PNPT1: variants seen among roughly 807,000 people sequenced by gnomAD.
The protein encoded by PNPT1 is polyribonucleotide nucleotidyltransferase 1, also known as polyribonucleotide nucleotidyltransferase 1, mitochondrial.
In PNPT1, 53 loss-of-function variants were observed where a neutral mutation model predicts 119.5. The ratio of observed to expected loss-of-function variants is 0.44; its 90% CI spans 0.36 to 0.56. The LOEUF is 0.56. Ranked by LOEUF, PNPT1 falls within the 20% of genes least tolerant of loss-of-function variation. The probability of loss-of-function intolerance (pLI) is 0.00; values close to 1 mark genes in which losing one functional copy is unlikely to be tolerated. For missense variants in PNPT1, 948 were observed against 938.5 expected, an observed-to-expected ratio of 1.01 and a Z score of -0.13; for synonymous variants, 357 against 322.1, an observed-to-expected ratio of 1.11 and a Z score of -1.16.
At position 55,657,919 on chromosome 2, in the gene PNPT1, GA is replaced by G. The variant is rs1012159630; in HGVS notation, c.1285-1549del. The stretch of plus-strand genomic sequence containing the variant: ...AAAAAAAAAAGAATGTAATGGAGGA[GA>G]AATGTATAGATTTAAAAAGACTTAA... On this transcript the variant is annotated intron_variant, in intron 15 of 27. Transcript: ENST00000447944. Among the ~76,000 whole-genome samples the G allele has an allele frequency of 1.8e-3, 177 of 100,186 alleles. 1 individual carries two copies. Among genetic ancestry groups the G allele is most frequent in the Admixed American group, 3.2e-3 (26 of 8,120 alleles). The allele number at this position is 100,186 out of a possible 152,430, so 65.7% of individuals were successfully genotyped here.
At chr2:55,681,366 C>T (rs961009948) in intron 5 of PNPT1, among the ~76,000 whole-genome samples, 3 of 152,020 alleles carry the variant, frequency 2.0e-5, no homozygotes, top group Non-Finnish European at 4.4e-5. Context: ...GAGATCACGC[C>T]ATTGCACTCC....
At chr2:55,669,424 AAC>A (rs1175373699) in intron 11 of PNPT1, among the ~76,000 whole-genome samples, 1 of 152,226 alleles carries the variant, frequency 6.6e-6, no homozygotes, top group Non-Finnish European at 1.5e-5. Flanking sequence ...AAGTAACCAA[AAC>A]ACAAGAAATG....
chr2:55,683,753 C>A (rs371592216), intron 5 of PNPT1, 32 bp downstream of exon 5: 2 of 1,574,812 alleles, frequency 1.3e-6, no homozygotes. Flanking sequence ...TTTGATTGAT[C>A]TGGCAACTAA....
intron 5 of PNPT1, among the ~76,000 whole-genome samples, chr2:55,682,232 C>A (rs187059559): frequency 6.6e-6 from 1 of 151,816 alleles, no homozygotes; most frequent in Non-Finnish European, 1.5e-5. Flanking sequence ...GCTGAGGCAG[C>A]GGATCACTTG....
At chr2:55,673,839 G>A (rs1446389784) in intron 8 of PNPT1, among the ~76,000 whole-genome samples, 1 of 152,006 alleles carries the variant, frequency 6.6e-6, no homozygotes, top group African/African-American at 2.4e-5. Context: ...TGCCTGCCTT[G>A]GCCTTCCAAA....
At chr2:55,636,913 A>T (rs1305874604) in intron 27 of PNPT1, among the ~76,000 whole-genome samples, 1 of 152,184 alleles carries the variant, frequency 6.6e-6, no homozygotes, top group African/African-American at 2.4e-5. Flanking sequence ...CCAAAAAATC[A>T]ACCTTATACA....
intron 18 of PNPT1, among the ~76,000 whole-genome samples, chr2:55,647,915 G>A (rs532304361): frequency 2.6e-5 from 4 of 152,176 alleles, no homozygotes; most frequent in East Asian, 1.9e-4. Flanking sequence ...TGACTACTTC[G>A]TTTGTTTTTG....
chr2:55,637,313 T>C (rs1695706536), intron 27 of PNPT1, among the ~76,000 whole-genome samples: 1 of 152,254 alleles, frequency 6.6e-6, no homozygotes, highest in Non-Finnish European at 1.5e-5. Flanking sequence ...TGCTCATGTA[T>C]TTTTTAAACG....
intron 18 of PNPT1, among the ~76,000 whole-genome samples, chr2:55,651,770 A>AT (rs1224723737): frequency 1.7e-5 from 2 of 116,924 alleles, no homozygotes; most frequent in African/African-American, 5.7e-5. Flanking sequence ...AGAATGATCA[A>AT]TTTAAAAAAA....
chr2:55,652,916 T>C (rs886987559), intron 18 of PNPT1, among the ~76,000 whole-genome samples: 2 of 152,202 alleles, frequency 1.3e-5, no homozygotes, highest in Admixed American at 6.5e-5. Context: ...GGCACGATCT[T>C]GGCTCACTGC....
chr2:55,684,921 C>A, intron 4 of PNPT1, 22 bp downstream of exon 4: 1 of 1,498,220 alleles, frequency 6.7e-7, no homozygotes, highest in Non-Finnish European at 9.0e-7. Context: ...AGAAGATGAA[C>A]GCCTCTATGT....
At chr2:55,675,808 A>G (rs1697048818) in intron 8 of PNPT1, among the ~76,000 whole-genome samples, 1 of 152,240 alleles carries the variant, frequency 6.6e-6, no homozygotes, top group Admixed American at 6.5e-5. Flanking sequence ...AATTATTTAA[A>G]ATTAGACAAA....
At chr2:55,651,299 C>T (rs1202379567) in intron 18 of PNPT1, among the ~76,000 whole-genome samples, 2 of 151,494 alleles carry the variant, frequency 1.3e-5, no homozygotes, top group South Asian at 4.2e-4. Context: ...TGAGAACGGG[C>T]CATGATGACA....
intron 2 of PNPT1, among the ~76,000 whole-genome samples, chr2:55,687,122 G>A (rs1697431773): frequency 1.3e-5 from 2 of 150,226 alleles, no homozygotes; most frequent in African/African-American, 2.5e-5. Context: ...GCTGAGGCAG[G>A]AGAATGGCGT....
At chr2:55,683,971 C>A in intron 4 of PNPT1, 137 bp from the exon 5 acceptor site, 1 of 726,618 alleles carries the variant, frequency 1.4e-6, no homozygotes. Flanking sequence ...AAGAGGGACA[C>A]AGATAAATGT....
chr2:55,677,596 C>CA (rs70954146), intron 8 of PNPT1, among the ~76,000 whole-genome samples: 1,458 of 33,422 alleles, frequency 0.044, 372 homozygotes, highest in African/African-American at 0.17. Context: ...GACTATGTCT[C>CA]AAAAAAAAAA....
chr2:55,667,888 T>A lies in PNPT1; in HGVS notation c.1047A>T (p.Arg349Ser). The change falls in exon 12 of 28, where the codon AGA becomes AGT. Residue 349 changes from arginine (R) to serine (S), a missense_variant. Transcript: ENST00000447944. ...TTTTGTATTCATTCAAAACAATACT[T>A]CTAAAAACTTCCTTTGCAACAACAT... ...SFNVVAKEVF[R>S]SIVLNEYKRC... 6.3e-7 allele frequency: 1 copy of A among 1,588,812 alleles called. No homozygotes were observed. Among genetic ancestry groups the A allele is most frequent in the Non-Finnish European group, 8.5e-7 (1 of 1,173,698 alleles).
rs548546792 is a variant in PNPT1, at chr2:55,635,996, G to A, written c.*241C>T. 23 of 241,064 alleles carry A rather than the reference G, an allele frequency of 9.5e-5. No homozygotes were observed. Among genetic ancestry groups the A allele is most frequent in the Non-Finnish European group, 1.3e-4 (17 of 128,518 alleles). The allele number at this position is 241,064 out of a possible 1,614,324, so 14.9% of individuals were successfully genotyped here. A position where few individuals can be genotyped will look rare whatever the true frequency, so the allele number is the denominator to read the frequency against. ...AAAACTATGTAATTTTTTCTAAGAT[G>A]TATAAATGACTTACTTTTAATAATA... On this transcript the variant is annotated 3_prime_UTR_variant, in exon 28 of 28. Transcript: ENST00000447944.
At chr2:55,641,389 C>T (rs1263441293) in intron 25 of PNPT1, among the ~76,000 whole-genome samples, 1 of 148,978 alleles carries the variant, frequency 6.7e-6, no homozygotes, top group Non-Finnish European at 1.5e-5. Context: ...ATGCCTCAGT[C>T]TCCCAAGCAG....
Sources: allele counts gnomAD v4.1 joint callset (sites outside exome capture counted in the v4.1 genomes callset), GRCh38; gene constraint gnomAD v4.1.1; transcripts MANE v1.5; gene names NCBI Gene and HGNC (gene_info 2026-07-23, HGNC 2026-07-21).